The following SLC6A19 variants were observed in gnomAD, a reference collection of about 807,000 sequenced individuals.
The protein encoded by SLC6A19 is sodium-dependent neutral amino acid transporter B(0)AT1.
In SLC6A19, 67 loss-of-function variants were observed where a neutral mutation model predicts 68.3. The ratio of observed to expected loss-of-function variants is 0.98; its 90% CI spans 0.81 to 1.20. The LOEUF (loss-of-function observed/expected upper bound fraction) is 1.20, where lower values mean the gene tolerates loss of function less well. Ranked by LOEUF, SLC6A19 falls within the 50% of genes most tolerant of loss-of-function variation. The pLI is 0.00. For synonymous variants in SLC6A19, 392 were observed against 374.9 expected (o/e 1.05, Z -0.53); for missense variants, 813 against 851.6 (o/e 0.95, Z 0.56).
intron 1 of SLC6A19, among the ~76,000 whole-genome samples, chr5:1,208,214 A>C (rs1442868253): frequency 6.6e-6 from 1 of 152,176 alleles, no homozygotes; most frequent in African/African-American, 2.4e-5. Flanking sequence ...CACTGAGGCC[A>C]CACACGATTG....
intron 7 of SLC6A19, 40 bp from the exon 8 acceptor site, chr5:1,216,749 C>T: frequency 6.2e-7 from 1 of 1,613,750 alleles, no homozygotes; most frequent in Non-Finnish European, 8.5e-7. Flanking sequence ...TCCCAGCCTC[C>T]CTGGCCCCAG....
chr5:1,203,468 G>A (rs1025017730), intron 1 of SLC6A19, among the ~76,000 whole-genome samples: 7 of 152,184 alleles, frequency 4.6e-5, no homozygotes, highest in Non-Finnish European at 1.0e-4. Flanking sequence ...GGAGGGCCGA[G>A]CAGGGCTCTG....
At position 1,214,642 on chromosome 5, in the gene SLC6A19, T is replaced by G. The variant is rs75359764; in HGVS notation, c.887+577T>G. Among the ~76,000 whole-genome samples, 5,981 of 152,246 alleles carry G rather than the reference T, an allele frequency of 0.039. 167 individuals carry two copies. The highest frequency in any genetic ancestry group is 0.055 in the Non-Finnish European group (3,745 of 68,002). On this transcript the variant is annotated intron_variant, in intron 6 of 11. Transcript: ENST00000304460. This position sits in a 1 kb window ranked among gnomAD's most constrained non-coding sequence, Gnocchi z 7.4. ...GCATCAGGACCTGCCCTCAGTGACC[T>G]GTGGCTCTGCAGGTTGACAAGCAAG... is the stretch of plus-strand genomic sequence containing the variant.
At chr5:1,221,096 A>G in intron 10 of SLC6A19, 55 bp from the exon 11 acceptor site, 1 of 1,592,516 alleles carries the variant, frequency 6.3e-7, no homozygotes, top group Non-Finnish European at 8.6e-7. Flanking sequence ...CAGAAAGCTT[A>G]GCGAGTTGAA....
At chr5:1,204,669 G>A (rs1437074023) in intron 1 of SLC6A19, among the ~76,000 whole-genome samples, 1 of 121,450 alleles carries the variant, frequency 8.2e-6, no homozygotes, top group Admixed American at 7.4e-5. Context: ...CCCCTCAGGG[G>A]CTGCCCCCCC....
Position 1,209,463 on chromosome 5 carries a change from G to C in SLC6A19, c.343+577G>C, listed in dbSNP as rs867306053. Among the ~76,000 whole-genome samples the C allele has an allele frequency of 2.0e-5, 3 of 152,056 alleles. No individual in the cohort carries two copies. Among genetic ancestry groups the C allele is most frequent in the Non-Finnish European group, 4.4e-5 (3 of 67,980 alleles). On this transcript the variant is annotated intron_variant, in intron 2 of 11. Coordinates refer to ENST00000304460, the MANE Select transcript of SLC6A19 (RefSeq NM_001003841.3). This position sits in a 1 kb window ranked among gnomAD's most constrained non-coding sequence, Gnocchi z 5.5. ...GGAAGCACCTGCCCTTCGGAAGCCTGCAGGCCTGGAGCAGAGCCTACACCC... is the reference window on the plus strand; with the variant it reads ...GGAAGCACCTGCCCTTCGGAAGCCTCCAGGCCTGGAGCAGAGCCTACACCC...
At chr5:1,213,915 C>A in intron 5 of SLC6A19, 38 bp from the exon 6 acceptor site, 1 of 1,610,558 alleles carries the variant, frequency 6.2e-7, no homozygotes. Context: ...ATGGCCCCAT[C>A]TGCACCATGA....
chr5:1,208,699 C>T (rs1745924472), intron 1 of SLC6A19, 47 bp from the exon 2 acceptor site: 1 of 1,612,736 alleles, frequency 6.2e-7, no homozygotes, highest in African/African-American at 1.3e-5. Flanking sequence ...GGCCTTCCTG[C>T]TCCCCCGGGA....
rs946192638 is a variant in SLC6A19, at chr5:1,212,039, G to T, written c.482-264G>T. On this transcript the variant is annotated intron_variant, in intron 3 of 11. Transcript: ENST00000304460. This position sits in a 1 kb window ranked among gnomAD's most constrained non-coding sequence, Gnocchi z 5.1. Reference sequence around the variant, plus strand: ...GTGCCTCTGTGCATGTGTGTGCTGTGTGTGTGTGTGCATGTGCATGTGTGG... The same window carrying T: ...GTGCCTCTGTGCATGTGTGTGCTGTTTGTGTGTGTGCATGTGCATGTGTGG... Among the ~76,000 whole-genome samples, 17 of 151,344 alleles carry T rather than the reference G, an allele frequency of 1.1e-4. No individual in the cohort carries two copies. The highest frequency in any genetic ancestry group is 4.1e-4 in the African/African-American group (17 of 41,076).
chr5:1,217,812 G>A (rs1746249916), intron 8 of SLC6A19, among the ~76,000 whole-genome samples: 2 of 152,274 alleles, frequency 1.3e-5, no homozygotes, highest in South Asian at 2.1e-4. Context: ...CAGCACCCCC[G>A]TCCACGCCCG....
At position 1,212,533 on chromosome 5, in the gene SLC6A19, G is replaced by C; in HGVS notation, c.663+49G>C. On this transcript the variant is annotated intron_variant, in intron 4 of 11. Coordinates refer to ENST00000304460, the MANE Select transcript of SLC6A19 (RefSeq NM_001003841.3). The surrounding 1 kb of genome is among the most constrained non-coding windows in gnomAD (Gnocchi z 5.1). ...TGCAGGTGCTCCAGAGGGCGGGTGC[G>C]GGCAGCCCTGCCTCCGGCCGGCTGC... 1 of 1,594,906 alleles carries C rather than the reference G, an allele frequency of 6.3e-7. No individual in the cohort carries two copies. Among genetic ancestry groups the C allele is most frequent in the Non-Finnish European group, 8.5e-7 (1 of 1,176,252 alleles).
At position 1,222,524 on chromosome 5, in the gene SLC6A19, T is replaced by G. The variant is rs1746420326; in HGVS notation, c.*620T>G. The G allele has an allele frequency of 2.5e-6, 1 of 406,556 alleles. No individual in the cohort carries two copies. The allele number at this position is 406,556 out of a possible 1,614,324, so 25.2% of individuals were successfully genotyped here. ...TGTGTGACGTGTGTATATGTGAGCA[T>G]GTGTACGTGTGTGTATACGTGTGTT... On this transcript the variant is annotated 3_prime_UTR_variant, in exon 12 of 12. Transcript: ENST00000304460.
rs762394685 is a variant in SLC6A19 at position 1,216,862 on chromosome 5, C to T, written c.1090C>T (p.Gln364Ter). The change falls in exon 8 of 12, where the codon CAG becomes TAG. Residue 364 changes from glutamine to a stop codon, truncating the protein, a stop_gained. Coordinates refer to ENST00000304460, the MANE Select transcript of SLC6A19 (RefSeq NM_001003841.3). LOFTEE classifies it high-confidence loss of function. The part of the protein sequence containing the change: ...NVTQENFVDM[Q>*]QRCNASDPAA... ...GACCCAGGAGAACTTTGTGGACATG[C>T]AGCAGCGGTGCAACGCCTCCGACCC... 1.2e-6 allele frequency: 2 copies of T among 1,613,778 alleles called. No individual in the cohort carries two copies. Among genetic ancestry groups the T allele is most frequent in the South Asian group, 1.1e-5 (1 of 91,092 alleles).
intron 10 of SLC6A19, among the ~76,000 whole-genome samples, chr5:1,219,917 G>A (rs4975628): frequency 0.39 from 58,554 of 152,016 alleles, 11,485 homozygotes; most frequent in Non-Finnish European, 0.42. Context: ...AGACCTTGGC[G>A]GTGCCCACGC....
Position 1,201,701 on chromosome 5 carries a change from C to A in SLC6A19, c.51C>A (p.Ser17=). 9 of 1,611,866 alleles carry A rather than the reference C, an allele frequency of 5.6e-6. No individual in the cohort carries two copies. Among genetic ancestry groups the A allele is most frequent in the Non-Finnish European group, 7.6e-6 (9 of 1,179,890 alleles). The change falls in exon 1 of 12, where the codon TCC becomes TCA. Residue 17 remains serine, a synonymous_variant. Coordinates refer to ENST00000304460, the MANE Select transcript of SLC6A19 (RefSeq NM_001003841.3). ...PNPGLDARIP[S]LAELETIEQE... ...CCGGCCTAGACGCCCGGATCCCGTC[C>A]CTGGCTGAGCTGGAGACCATCGAGC...
rs374976872 is a variant in SLC6A19, at chr5:1,213,990, C to T, written c.812C>T (p.Ala271Val). 1.1e-4 allele frequency: 171 copies of T among 1,613,572 alleles called. 1 individual carries two copies. The highest frequency in any genetic ancestry group is 3.3e-4 in the East Asian group (15 of 44,870). The change falls in exon 6 of 12, where the codon GCG becomes GTG. Residue 271 changes from alanine to valine, a missense_variant. Coordinates refer to ENST00000304460, the MANE Select transcript of SLC6A19 (RefSeq NM_001003841.3). ...GCCCAGCCGGACACCTGGCTGGACG[C>T]GGGCGCACAGGTCTTCTTCTCCTTC... The part of the protein sequence containing the change: ...ELAQPDTWLD[A>V]GAQVFFSFSL...
Position 1,210,588 on chromosome 5 carries a change from C to T in SLC6A19, c.481+7C>T. 2 of 1,612,290 alleles carry T rather than the reference C, an allele frequency of 1.2e-6. No homozygotes were observed. Among genetic ancestry groups the T allele is most frequent in the Non-Finnish European group, 1.7e-6 (2 of 1,180,006 alleles). ...CTCAACGAGAACCAGACAGGTGAGTCCTTGCAAGCAGCCCCATCCGTCTCA... is the reference window on the plus strand; with the variant it reads ...CTCAACGAGAACCAGACAGGTGAGTTCTTGCAAGCAGCCCCATCCGTCTCA... On this transcript the variant is annotated splice_region_variant and intron_variant, in intron 3 of 11. Coordinates refer to ENST00000304460, the MANE Select transcript of SLC6A19 (RefSeq NM_001003841.3).
intron 5 of SLC6A19, 142 bp from the exon 6 acceptor site, chr5:1,213,811 A>G: frequency 7.2e-7 from 1 of 1,380,832 alleles, no homozygotes. Context: ...CAGGGAAGGC[A>G]TAGCTGCCAC....
chr5:1,212,964 C>G lies in SLC6A19; in HGVS notation c.663+480C>G, dbSNP rs1746086130. Among the ~76,000 whole-genome samples the G allele has an allele frequency of 6.8e-6, 1 of 146,680 alleles. No homozygotes were observed. The highest frequency in any genetic ancestry group is 6.7e-5 in the Admixed American group (1 of 14,824). ...CCCACTCGTCCCACATGCCCCCCAC[C>G]ACAAGCACGGCCCCCCTCCGCACCA... On this transcript the variant is annotated intron_variant, in intron 4 of 11. Transcript: ENST00000304460. The surrounding 1 kb of genome is among the most constrained non-coding windows in gnomAD (Gnocchi z 5.1).
Sources: gnomAD v4.1 joint callset for allele counts (sites outside exome capture counted in the v4.1 genomes callset) on GRCh38, gnomAD v4.1.1 for gene constraint, Gnocchi (gnomAD v3.1) non-coding constraint, MANE v1.5 for transcripts, NCBI Gene and HGNC (gene_info 2026-07-23, HGNC 2026-07-21) for gene names.